The following PCDHGA5 variants were observed in gnomAD, a reference collection of about 807,000 sequenced individuals.
The protein encoded by PCDHGA5 is protocadherin gamma-A5.
A neutral mutation model predicts 56.7 loss-of-function variants in PCDHGA5; 36 were observed. The ratio of observed to expected loss-of-function variants is 0.64; its 90% confidence interval spans 0.49 to 0.84. PCDHGA5 has a LOEUF of 0.84. Ranked by LOEUF, PCDHGA5 falls within the 40% of genes least tolerant of loss-of-function variation. The pLI is 0.00. For synonymous variants in PCDHGA5, 563 were observed against 520.2 expected, an observed-to-expected ratio of 1.08 and a Z score of -1.12; for missense variants, 1,305 against 1,201.5, an observed-to-expected ratio of 1.09 and a Z score of -1.27.
chr5:141,410,629 C>A (rs1393614526), intron 1 of PCDHGA5: 1 of 1,601,482 alleles, frequency 6.2e-7, no homozygotes, highest in East Asian at 2.2e-5. Context: ...CGGTGAGTTT[C>A]TCTTTTTTGT....
At chr5:141,443,844 G>T (rs976057583) in intron 1 of PCDHGA5, among the ~76,000 whole-genome samples, 1 of 152,130 alleles carries the variant, frequency 6.6e-6, no homozygotes, top group African/African-American at 2.4e-5. Flanking sequence ...GGGTAATATG[G>T]AAAGTCTGAA....
chr5:141,495,644 A>C (rs767670166), intron 2 of PCDHGA5, among the ~76,000 whole-genome samples: 1 of 151,770 alleles, frequency 6.6e-6, no homozygotes, highest in African/African-American at 2.4e-5. Flanking sequence ...TCATTTGTCT[A>C]CTTGCATTGA....
At chr5:141,400,415 T>C (rs1054517262) in intron 1 of PCDHGA5, 16 of 1,614,080 alleles carry the variant, frequency 9.9e-6, no homozygotes, top group Non-Finnish European at 1.3e-5. Flanking sequence ...TTTAATTTCC[T>C]AAAATGTAGT....
intron 1 of PCDHGA5, among the ~76,000 whole-genome samples, chr5:141,461,711 C>A (rs897443905): frequency 1.3e-5 from 2 of 152,112 alleles, no homozygotes; most frequent in African/African-American, 2.4e-5. Flanking sequence ...ACTTTTTTTG[C>A]CCAGGCTGGA....
intron 1 of PCDHGA5, among the ~76,000 whole-genome samples, chr5:141,446,174 G>A (rs1242027176): frequency 1.3e-5 from 2 of 152,062 alleles, no homozygotes; most frequent in Non-Finnish European, 2.9e-5. Context: ...GAGGGCAGGG[G>A]GTGTTTTGTT....
intron 1 of PCDHGA5, chr5:141,423,800 T>C: frequency 1.6e-5 from 14 of 895,104 alleles, no homozygotes; most frequent in East Asian, 1.3e-4. Context: ...TTTAGAGCAA[T>C]ACATGTGAGT....
chr5:141,420,042 A>T, intron 1 of PCDHGA5: 2 of 1,614,048 alleles, frequency 1.2e-6, no homozygotes, highest in Non-Finnish European at 8.5e-7. Context: ...GACTGCTTTG[A>T]GTCAGTTCTC....
chr5:141,419,217 G>A (rs1407588828), intron 1 of PCDHGA5: 1 of 1,613,936 alleles, frequency 6.2e-7, no homozygotes, highest in Admixed American at 1.7e-5. Context: ...CCGGTTTTCG[G>A]ACAGTCAGCC....
chr5:141,422,975 C>T (rs751065595), intron 1 of PCDHGA5: 130 of 1,614,092 alleles, frequency 8.1e-5, no homozygotes, highest in Non-Finnish European at 1.0e-4. Context: ...CCCCGCTCTG[C>T]GGAACCTGGC....
intron 1 of PCDHGA5, chr5:141,471,430 G>A (rs2099257545): frequency 6.6e-6 from 1 of 152,140 alleles, no homozygotes; most frequent in South Asian, 2.1e-4. Flanking sequence ...CAAGGAAAGT[G>A]TATAATCTCA....
intron 1 of PCDHGA5, among the ~76,000 whole-genome samples, chr5:141,436,848 AT>A (rs1247905529): frequency 6.6e-6 from 1 of 152,244 alleles, no homozygotes; most frequent in African/African-American, 2.4e-5. Flanking sequence ...CACATTCTTG[AT>A]TGAGAAGCCA....
At chr5:141,417,340 C>T (rs981474163) in intron 1 of PCDHGA5, 2 of 152,874 alleles carry the variant, frequency 1.3e-5, no homozygotes, top group African/African-American at 4.8e-5. Context: ...GATAGGAGAC[C>T]TATAAACCTT....
chr5:141,383,899 C>G (rs560928380), intron 1 of PCDHGA5: 10 of 1,613,958 alleles, frequency 6.2e-6, no homozygotes, highest in South Asian at 1.1e-5. Context: ...GGCAAAAGTA[C>G]TGATCACAGT....
chr5:141,376,416 C>T (rs1450125576), intron 1 of PCDHGA5: 1 of 1,614,216 alleles, frequency 6.2e-7, no homozygotes, highest in Non-Finnish European at 8.5e-7. Context: ...TATGCCGACA[C>T]GCTTATCAAC....
At chr5:141,423,800 T>A in intron 1 of PCDHGA5, 2 of 895,132 alleles carry the variant, frequency 2.2e-6, no homozygotes, top group Non-Finnish European at 2.9e-6. Flanking sequence ...TTTAGAGCAA[T>A]ACATGTGAGT....
chr5:141,478,038 G>A lies in PCDHGA5; in HGVS notation c.2422-16769G>A, dbSNP rs1401384720. ...CCAGTCCAAGACACAGATTCACCCA[G>A]GCAGACTCTCACGGTCTTGATCAAA... On this transcript the variant is annotated intron_variant, in intron 1 of 3. Transcript: ENST00000518069. 8 of 1,614,006 alleles carry A rather than the reference G, an allele frequency of 5.0e-6. No homozygotes were observed. In the African/African-American group the frequency reaches 1.1e-4, roughly 22 times the overall value.
chr5:141,403,419 A>G, intron 1 of PCDHGA5: 1 of 1,614,050 alleles, frequency 6.2e-7, no homozygotes, highest in Non-Finnish European at 8.5e-7. Context: ...CCACTTCCAG[A>G]AGCTATTGAT....
intron 1 of PCDHGA5, among the ~76,000 whole-genome samples, chr5:141,369,619 C>T (rs1197396001): frequency 6.6e-6 from 1 of 152,170 alleles, no homozygotes; most frequent in African/African-American, 2.4e-5. Context: ...CAATCATTTC[C>T]TCATTACCTT....
At position 141,397,472 on chromosome 5, in the gene PCDHGA5, A is replaced by T. The variant is rs548612657; in HGVS notation, c.2421+30721A>T. 6.6e-4 allele frequency among the ~76,000 whole-genome samples: 100 copies of T among 152,362 alleles called. 1 individual carries two copies. Among genetic ancestry groups the T allele is most frequent in the African/African-American group, 2.4e-3 (99 of 41,586 alleles). ...AACACTAGAAATATTGGGGAGTTGG[A>T]AATCATAGAAATGAACAGAAGAATG... On this transcript the variant is annotated intron_variant, in intron 1 of 3. Coordinates refer to ENST00000518069, the MANE Select transcript of PCDHGA5 (RefSeq NM_018918.3).
Sources: gnomAD v4.1 joint callset for allele counts (sites outside exome capture counted in the v4.1 genomes callset) on GRCh38, gnomAD v4.1.1 for gene constraint, MANE v1.5 for transcripts, NCBI Gene and HGNC (gene_info 2026-07-23, HGNC 2026-07-21) for gene names.